GRIK2: variants seen among roughly 807,000 people sequenced by gnomAD.
GRIK2 encodes glutamate receptor ionotropic, kainate 2.
A neutral mutation model predicts 100.3 loss-of-function variants in GRIK2; 32 were observed. That is an observed-to-expected ratio of 0.32 (90% CI 0.24 to 0.43). The LOEUF is 0.43. Among genes scored for constraint, GRIK2 ranks in the 20% least tolerant of loss-of-function variants. The pLI is 1.00. For missense variants in GRIK2, 843 were observed against 1,114.9 expected (o/e 0.76, Z 3.47); for synonymous variants, 417 against 389.4 (o/e 1.07, Z -0.83).
At chr6:101,836,619 T>TGTG (rs1434984767) in intron 10 of GRIK2, among the ~76,000 whole-genome samples, 4 of 135,104 alleles carry the variant, frequency 3.0e-5, no homozygotes, top group South Asian at 2.3e-4. Context: ...ATATATATAG[T>TGTG]TATATATATA....
rs558057969 is a variant in GRIK2, at chr6:102,023,426, C to T, written c.2086-11915C>T. Among the ~76,000 whole-genome samples the T allele has an allele frequency of 8.6e-5, 13 of 151,426 alleles. No individual in the cohort carries two copies. In the South Asian group the frequency reaches 2.5e-3, roughly 29 times the overall value. ...AATTTAAAGCAGAAAATGAAGGATT[C>T]GCTGTGGCTTGTAGGGTAACAAACA... is the stretch of plus-strand genomic sequence containing the variant. On this transcript the variant is annotated intron_variant, in intron 14 of 16. Coordinates refer to ENST00000369134, the MANE Select transcript of GRIK2 (RefSeq NM_021956.5).
At chr6:101,443,596 AT>A (rs937700396) in intron 2 of GRIK2, among the ~76,000 whole-genome samples, 3 of 152,116 alleles carry the variant, frequency 2.0e-5, no homozygotes, top group African/African-American at 7.2e-5. Context: ...AGATGAGAAA[AT>A]ATTTAAATGA....
intron 2 of GRIK2, among the ~76,000 whole-genome samples, chr6:101,533,107 G>C (rs756355543): frequency 2.0e-5 from 3 of 151,894 alleles, no homozygotes; most frequent in Non-Finnish European, 4.4e-5. Flanking sequence ...TTAGCTTTTA[G>C]CATGCTTATC....
intron 7 of GRIK2, among the ~76,000 whole-genome samples, chr6:101,789,576 G>C (rs1231880784): frequency 6.6e-6 from 1 of 151,992 alleles, no homozygotes; most frequent in Non-Finnish European, 1.5e-5. Flanking sequence ...TCTCTGTTTT[G>C]GTACCAGTAC....
At position 101,790,117 on chromosome 6, in the gene GRIK2, G is replaced by A. The variant is rs1779733949; in HGVS notation, c.952-9531G>A. 2.0e-5 allele frequency among the ~76,000 whole-genome samples: 3 copies of A among 152,118 alleles called. No homozygotes were observed. The South Asian group carries it at 6.2e-4, about 32-fold the overall frequency. On this transcript the variant is annotated intron_variant, in intron 7 of 16. Coordinates refer to ENST00000369134, the MANE Select transcript of GRIK2 (RefSeq NM_021956.5). The stretch of plus-strand genomic sequence containing the variant: ...TAAGGAGATATCGGGCTGAGACAAT[G>A]GGGTTTTCTAGATATACAATCATGT...
At chr6:101,570,640 A>G (rs545620066) in intron 2 of GRIK2, among the ~76,000 whole-genome samples, 13 of 152,230 alleles carry the variant, frequency 8.5e-5, no homozygotes, top group African/African-American at 3.1e-4. Context: ...TCATCGATAG[A>G]ACCACTAATT....
In GRIK2 at chr6:101,493,960, A is replaced by T. The variant is rs1773281339; in HGVS notation, c.115+94568A>T. On this transcript the variant is annotated intron_variant, in intron 2 of 16. Coordinates refer to ENST00000369134, the MANE Select transcript of GRIK2 (RefSeq NM_021956.5). The stretch of plus-strand genomic sequence containing the variant: ...ATATGTATTTATATATAATATATAT[A>T]TTTTATATATAATTTATATATTATA... 2.8e-5 allele frequency among the ~76,000 whole-genome samples: 4 copies of T among 144,888 alleles called. No individual in the cohort carries two copies. The South Asian group carries it at 6.3e-4, about 23-fold the overall frequency.
intron 2 of GRIK2, among the ~76,000 whole-genome samples, chr6:101,590,648 T>C (rs2128306389): frequency 6.6e-6 from 1 of 152,072 alleles, no homozygotes; most frequent in Admixed American, 6.6e-5. Flanking sequence ...ATTTTTGTCA[T>C]CCTATGTGCT....
intron 10 of GRIK2, among the ~76,000 whole-genome samples, chr6:101,832,070 C>G (rs573296390): frequency 1.3e-5 from 2 of 151,912 alleles, no homozygotes; most frequent in Non-Finnish European, 2.9e-5. Context: ...CATTAAATCT[C>G]ATCAGGTTAA....
chr6:101,734,649 G>T (rs1335708337), intron 7 of GRIK2, among the ~76,000 whole-genome samples: 3 of 152,158 alleles, frequency 2.0e-5, no homozygotes, highest in South Asian at 4.1e-4. Flanking sequence ...GACCTTGGGT[G>T]GGGGGAATTA....
intron 14 of GRIK2, among the ~76,000 whole-genome samples, chr6:101,930,671 AT>A (rs1448279708): frequency 6.6e-6 from 1 of 151,834 alleles, no homozygotes. Flanking sequence ...AAACATATGT[AT>A]TTTTTCTTTA....
At chr6:101,820,375 T>C (rs563576027) in intron 10 of GRIK2, among the ~76,000 whole-genome samples, 20 of 152,274 alleles carry the variant, frequency 1.3e-4, no homozygotes, top group Admixed American at 5.2e-4. Flanking sequence ...TTCTATCATC[T>C]TCCTGATCTA....
intron 2 of GRIK2, among the ~76,000 whole-genome samples, chr6:101,537,597 A>G (rs1416258692): frequency 6.6e-6 from 1 of 151,634 alleles, no homozygotes; most frequent in Non-Finnish European, 1.5e-5. Flanking sequence ...CTACAAAGAG[A>G]AGGTAATATT....
chr6:101,859,279 G>A lies in GRIK2; in HGVS notation c.1318-8G>A, dbSNP rs774064508. 9 of 1,478,328 alleles carry A rather than the reference G, an allele frequency of 6.1e-6. No individual in the cohort carries two copies. In the Admixed American group the frequency reaches 1.5e-4, roughly 25 times the overall value. The allele number at this position is 1,478,328 out of a possible 1,614,324, so 91.6% of individuals were successfully genotyped here. Reference sequence around the variant, plus strand: ...GTTACCTCTTTTCTTCTTTTTCAATGTTTTCAGGAAGAGCCTTATGTCCTT... The same window carrying A: ...GTTACCTCTTTTCTTCTTTTTCAATATTTTCAGGAAGAGCCTTATGTCCTT... On this transcript the variant is annotated splice_region_variant and splice_polypyrimidine_tract_variant and intron_variant, in intron 10 of 16. Coordinates refer to ENST00000369134, the MANE Select transcript of GRIK2 (RefSeq NM_021956.5).
At chr6:101,860,863 G>A (rs965938529) in intron 11 of GRIK2, 1 of 545,232 alleles carries the variant, frequency 1.8e-6, no homozygotes, top group African/African-American at 2.0e-5. Flanking sequence ...TGTTTTAGGG[G>A]CTTTGGATTT....
intron 2 of GRIK2, among the ~76,000 whole-genome samples, chr6:101,491,273 A>G (rs201685891): frequency 1.3e-5 from 1 of 79,450 alleles, no homozygotes. Context: ...GGAGAAAAAA[A>G]GAAAAAAAAA....
At chr6:101,745,346 G>A (rs2128380801) in intron 7 of GRIK2, among the ~76,000 whole-genome samples, 1 of 152,198 alleles carries the variant, frequency 6.6e-6, no homozygotes. Flanking sequence ...TGAAGAATCA[G>A]TTACATGGGC....
At chr6:102,036,236 C>A (rs1186816483) in intron 15 of GRIK2, among the ~76,000 whole-genome samples, 1 of 150,288 alleles carries the variant, frequency 6.7e-6, no homozygotes, top group African/African-American at 2.4e-5. Context: ...AGTAAACACA[C>A]ACACACACAC....
At chr6:101,395,155 A>G (rs1165035555) in intron 1 of GRIK2, among the ~76,000 whole-genome samples, 2 of 152,234 alleles carry the variant, frequency 1.3e-5, no homozygotes, top group East Asian at 1.9e-4. Flanking sequence ...CAAGTATGCA[A>G]CAGTGTGATT....
Sources: gnomAD v4.1 joint callset for allele counts (sites outside exome capture counted in the v4.1 genomes callset) on GRCh38, gnomAD v4.1.1 for gene constraint, MANE v1.5 for transcripts, NCBI Gene and HGNC (gene_info 2026-07-23, HGNC 2026-07-21) for gene names.